Variants in MAGI1 observed in about 807,000 individuals in gnomAD.
The protein encoded by MAGI1 is membrane associated guanylate kinase, WW and PDZ domain containing 1.
Under a neutral mutation model 139.9 loss-of-function variants are expected in MAGI1, and 58 were observed. That is an observed-to-expected ratio of 0.41 (90% CI 0.34 to 0.52). MAGI1 has a LOEUF of 0.52. MAGI1 is among the 20% of genes least tolerant of loss of function. MAGI1 has a pLI of 0.12. For synonymous variants in MAGI1, 812 were observed against 737.9 expected (o/e 1.10, Z -1.63); for missense variants, 1,874 against 1,901.6 (o/e 0.99, Z 0.27).
At chr3:65,700,285 C>T (rs2107607432) in intron 1 of MAGI1, among the ~76,000 whole-genome samples, 1 of 151,976 alleles carries the variant, frequency 6.6e-6, no homozygotes. Context: ...CTACTAAAAA[C>T]ACAAAAATTA....
At chr3:65,731,419 G>A (rs1395682620) in intron 1 of MAGI1, among the ~76,000 whole-genome samples, 1 of 151,728 alleles carries the variant, frequency 6.6e-6, no homozygotes, top group Non-Finnish European at 1.5e-5. Context: ...TTGGGAGGCT[G>A]AGGTGGGTGG....
intron 2 of MAGI1, among the ~76,000 whole-genome samples, chr3:65,495,440 A>G (rs920019049): frequency 9.9e-5 from 15 of 152,156 alleles, no homozygotes; most frequent in Non-Finnish European, 4.4e-5. Flanking sequence ...ATATAAATAT[A>G]TCTCTGTTTA....
intron 2 of MAGI1, among the ~76,000 whole-genome samples, chr3:65,604,794 G>A (rs1280834113): frequency 6.6e-6 from 1 of 150,676 alleles, no homozygotes; most frequent in Non-Finnish European, 1.5e-5. Flanking sequence ...AAATCAAACA[G>A]CAAATGGGGA....
At chr3:65,646,975 A>C (rs1167850085) in intron 1 of MAGI1, among the ~76,000 whole-genome samples, 3 of 152,162 alleles carry the variant, frequency 2.0e-5, no homozygotes, top group African/African-American at 7.2e-5. Context: ...AAGAACCCAC[A>C]AAAACAAGAA....
chr3:65,401,594 G>C (rs1368261768), intron 12 of MAGI1, 124 bp from the exon 13 acceptor site: 3 of 1,552,132 alleles, frequency 1.9e-6, no homozygotes, highest in African/African-American at 1.4e-5. Context: ...AGTTATGTCA[G>C]ATTTCTCCCC....
intron 1 of MAGI1, among the ~76,000 whole-genome samples, chr3:65,951,928 A>G (rs976390910): frequency 2.0e-5 from 3 of 152,224 alleles, no homozygotes; most frequent in Non-Finnish European, 2.9e-5. Flanking sequence ...AGAACAATAA[A>G]TAAATAATGG....
At chr3:65,504,158 T>C (rs1449951835) in intron 2 of MAGI1, among the ~76,000 whole-genome samples, 1 of 152,352 alleles carries the variant, frequency 6.6e-6, no homozygotes, top group Non-Finnish European at 1.5e-5. Context: ...ATTATGTGAC[T>C]ACCTTGGAAC....
chr3:65,569,283 G>A (rs547221085), intron 2 of MAGI1, among the ~76,000 whole-genome samples: 38 of 152,316 alleles, frequency 2.5e-4, no homozygotes, highest in African/African-American at 8.9e-4. Context: ...CGAGAGGGAG[G>A]AGAATGGAGA....
At chr3:65,623,316 C>T (rs1419261824) in intron 1 of MAGI1, among the ~76,000 whole-genome samples, 1 of 152,042 alleles carries the variant, frequency 6.6e-6, no homozygotes, top group Non-Finnish European at 1.5e-5. Flanking sequence ...TATTTCTTTG[C>T]AATTCTCTAC....
chr3:65,991,637 C>G (rs2066177889), intron 1 of MAGI1, among the ~76,000 whole-genome samples: 1 of 152,204 alleles, frequency 6.6e-6, no homozygotes. Flanking sequence ...TAAGACTTTG[C>G]TCTGACTGAC....
intron 2 of MAGI1, among the ~76,000 whole-genome samples, chr3:65,580,318 C>CTT (rs35237934): frequency 2.1e-4 from 32 of 148,842 alleles, no homozygotes; most frequent in East Asian, 7.9e-4. Context: ...CTTTTTTCTC[C>CTT]TTTTTTTTTT....
intron 2 of MAGI1, among the ~76,000 whole-genome samples, chr3:65,521,357 C>T (rs1438880465): frequency 5.3e-5 from 8 of 152,136 alleles, no homozygotes; most frequent in Admixed American, 5.2e-4. Context: ...TATTAAACAA[C>T]CAGCCTTCAA....
chr3:65,933,107 GAACCTGTTC>G (rs2062878577), intron 1 of MAGI1, among the ~76,000 whole-genome samples: 1 of 152,228 alleles, frequency 6.6e-6, no homozygotes, highest in African/African-American at 2.4e-5. Flanking sequence ...ATGGCTGAAA[GAACCTGTTC>G]CAGGACTAAA....
intron 1 of MAGI1, among the ~76,000 whole-genome samples, chr3:65,860,999 G>A (rs1458965629): frequency 6.6e-6 from 1 of 152,060 alleles, no homozygotes; most frequent in Non-Finnish European, 1.5e-5. Context: ...AAATAAGAAG[G>A]GCATAGGTTG....
chr3:66,031,574 C>T lies in MAGI1; in HGVS notation c.313+6422G>A, dbSNP rs550841214. On this transcript the variant is annotated intron_variant, in intron 1 of 22. Transcript: ENST00000402939. ...TGGACAAGTGCGTTGTACGTCCTTGCTTCATTTTTTGTAAAACCTGTACAG... is the reference window on the plus strand; with the variant it reads ...TGGACAAGTGCGTTGTACGTCCTTGTTTCATTTTTTGTAAAACCTGTACAG... Among the ~76,000 whole-genome samples the T allele has an allele frequency of 2.0e-5, 3 of 152,142 alleles. No homozygotes were observed. In the East Asian group the frequency reaches 5.8e-4, roughly 29 times the overall value.
At chr3:65,914,247 A>G (rs1438967694) in intron 1 of MAGI1, 1 of 152,198 alleles carries the variant, frequency 6.6e-6, no homozygotes, top group African/African-American at 2.4e-5. Flanking sequence ...GCCTCCTGTG[A>G]AAAGCCTGGA....
In MAGI1 at chr3:65,356,443, A is replaced by C. The variant is rs750537588; in HGVS notation, c.4324T>G (p.Ser1442Ala). 3 of 1,609,908 alleles carry C rather than the reference A, an allele frequency of 1.9e-6. No homozygotes were observed. In the African/African-American group the frequency reaches 4.0e-5, roughly 22 times the overall value. ...ANLKQDAGRSSRHPPEQRRRP... is the reference protein window; with the variant it reads ...ANLKQDAGRSARHPPEQRRRP... ...CTTCTCTGCTCCGGGGGATGTCTGG[A>C]ACTTCTGCCGGCATCCTGTTTCAGA... is the stretch of plus-strand genomic sequence containing the variant. Residue 1442 changes from serine (S) to alanine (A), a missense_variant, in exon 23 of 23, where the codon TCC becomes GCC. By Grantham distance (99) the Ser-to-Ala change is moderately conservative. Coordinates refer to ENST00000402939, the MANE Select transcript of MAGI1 (RefSeq NM_001033057.2).
chr3:65,700,628 C>A (rs1463296478), intron 1 of MAGI1, among the ~76,000 whole-genome samples: 1 of 152,102 alleles, frequency 6.6e-6, no homozygotes, highest in African/African-American at 2.4e-5. Context: ...TAAAACTGAA[C>A]AACCACATCT....
intron 1 of MAGI1, among the ~76,000 whole-genome samples, chr3:65,657,448 A>C (rs1019419850): frequency 2.0e-5 from 3 of 148,634 alleles, no homozygotes; most frequent in African/African-American, 7.3e-5. Flanking sequence ...AAAAAAAAAA[A>C]ACACATAAAT....
Sources: allele counts gnomAD v4.1 joint callset (sites outside exome capture counted in the v4.1 genomes callset), GRCh38; gene constraint gnomAD v4.1.1; transcripts MANE v1.5; gene names NCBI Gene and HGNC (gene_info 2026-07-23, HGNC 2026-07-21).